The following WDTC1 variants were observed in gnomAD, a reference collection of about 807,000 sequenced individuals.
WDTC1 encodes WD and tetratricopeptide repeats 1, also known as WD and tetratricopeptide repeats protein 1.
WDTC1 carries 12 observed loss-of-function variants against 76.0 expected under a neutral mutation model. The ratio of observed to expected loss-of-function variants is 0.16; its 90% CI spans 0.10 to 0.26. The LOEUF is 0.26. WDTC1 is among the 10% of genes least tolerant of loss of function. WDTC1 has a pLI of 1.00. For synonymous variants in WDTC1, 326 were observed against 350.8 expected, an observed-to-expected ratio of 0.93 and a Z score of 0.79; for missense variants, 511 against 908.8, an observed-to-expected ratio of 0.56 and a Z score of 5.63.
rs182177024 is a variant in WDTC1, at chr1:27,257,815, G to C, written c.-99-3141G>C. On this transcript the variant is annotated intron_variant, in intron 1 of 15. Transcript: ENST00000319394. ...TTGTTTGTTTTTTCTTTTTGAGACA[G>C]AGTCTTGCTCTGTCACCCAGGCTGG... Among the ~76,000 whole-genome samples the C allele has an allele frequency of 5.3e-3, 805 of 152,144 alleles. 4 individuals carry two copies. The highest frequency in any genetic ancestry group is 9.5e-3 in the Non-Finnish European group (649 of 67,994).
intron 11 of WDTC1, 90 bp downstream of exon 11, chr1:27,297,246 ACC>A: frequency 3.4e-6 from 4 of 1,160,076 alleles, no homozygotes; most frequent in Non-Finnish European, 4.9e-6. Flanking sequence ...CTTCCTCCTG[ACC>A]CACACCCACT....
At chr1:27,273,843 G>A (rs991859623) in intron 3 of WDTC1, among the ~76,000 whole-genome samples, 16 of 152,110 alleles carry the variant, frequency 1.1e-4, no homozygotes, top group African/African-American at 2.4e-4. Context: ...GTGTGTGTGC[G>A]TGTGTAGAGA....
intron 1 of WDTC1, among the ~76,000 whole-genome samples, chr1:27,243,220 T>C (rs1174694795): frequency 7.2e-6 from 1 of 139,790 alleles, no homozygotes; most frequent in Non-Finnish European, 1.5e-5. Context: ...TTTTTTTTTT[T>C]TTTTGAGACA....
rs1481489155 is a variant in WDTC1, at chr1:27,274,430, G to C, written c.133-7809G>C. 1.3e-5 allele frequency among the ~76,000 whole-genome samples: 2 copies of C among 152,104 alleles called. No individual in the cohort carries two copies. The highest frequency in any genetic ancestry group is 2.9e-5 in the Non-Finnish European group (2 of 68,034). ...GAGGCCAGGAGTTTGAGACCAGCCT[G>C]GGCAACACAGCAAGACCCCATCTCC... On this transcript the variant is annotated intron_variant, in intron 3 of 15. Transcript: ENST00000319394. This position sits in a 1 kb window ranked among gnomAD's most constrained non-coding sequence, Gnocchi z 4.2.
Position 27,274,858 on chromosome 1 carries a change from G to A in WDTC1, c.133-7381G>A, listed in dbSNP as rs756230461. Among the ~76,000 whole-genome samples the A allele has an allele frequency of 6.6e-6, 1 of 152,150 alleles. No individual in the cohort carries two copies. The highest frequency in any genetic ancestry group is 1.5e-5 in the Non-Finnish European group (1 of 68,036). Reference sequence around the variant, plus strand: ...TTGATTCCTGCTATTTCATTCACTTGTGGGATTTCTTGGCACCGTATTAGA... The same window carrying A: ...TTGATTCCTGCTATTTCATTCACTTATGGGATTTCTTGGCACCGTATTAGA... On this transcript the variant is annotated intron_variant, in intron 3 of 15. Transcript: ENST00000319394. This position sits in a 1 kb window ranked among gnomAD's most constrained non-coding sequence, Gnocchi z 4.2.
In WDTC1 at chr1:27,305,513, A is replaced by G. The variant is rs1452295456; in HGVS notation, c.1836+320A>G. On this transcript the variant is annotated intron_variant, in intron 15 of 15. Transcript: ENST00000319394. This position sits in a 1 kb window ranked among gnomAD's most constrained non-coding sequence, Gnocchi z 4.6. ...CTGACCCAGGCTTTTAATCATCTGT[A>G]CATTGGGAATGGGAATGACAGCACC... Among the ~76,000 whole-genome samples the G allele has an allele frequency of 6.6e-6, 1 of 152,166 alleles. No individual in the cohort carries two copies. The highest frequency in any genetic ancestry group is 1.9e-4 in the East Asian group (1 of 5,194).
At chr1:27,241,618 C>T (rs1051166552) in intron 1 of WDTC1, among the ~76,000 whole-genome samples, 1 of 152,124 alleles carries the variant, frequency 6.6e-6, no homozygotes, top group Non-Finnish European at 1.5e-5. Flanking sequence ...GGATGAAACT[C>T]CAGAGCCTTC....
At chr1:27,253,702 T>A (rs2012178053) in intron 1 of WDTC1, among the ~76,000 whole-genome samples, 1 of 152,000 alleles carries the variant, frequency 6.6e-6, no homozygotes, top group African/African-American at 2.4e-5. Context: ...CATTGAAAAT[T>A]TTATTTTATG....
rs1341344976 is a variant in WDTC1 at position 27,292,331 on chromosome 1, G to C, written c.596G>C (p.Cys199Ser). 5 of 1,612,940 alleles carry C rather than the reference G, an allele frequency of 3.1e-6. No individual in the cohort carries two copies. The highest frequency in any genetic ancestry group is 1.3e-5 in the African/African-American group (1 of 74,878). ...CLTVNPQDNN[C>S]LAVGASGPFV... ...ACTGTCAACCCCCAGGACAACAACT[G>C]CCTGGCAGTTGGGGCCAGCGGGCCC... Residue 199 changes from cysteine to serine, a missense_variant, in exon 7 of 16, where the codon TGC (cysteine) becomes TCC (serine). By Grantham distance (112) the Cys-to-Ser change is moderately radical (BLOSUM62 -1). Transcript: ENST00000319394.
intron 3 of WDTC1, among the ~76,000 whole-genome samples, chr1:27,269,134 C>T (rs920897242): frequency 7.3e-6 from 1 of 136,574 alleles, no homozygotes; most frequent in East Asian, 2.2e-4. Context: ...TCAAGACCAG[C>T]CTGGGTAACA....
intron 3 of WDTC1, among the ~76,000 whole-genome samples, chr1:27,273,419 A>G (rs1447071776): frequency 4.6e-5 from 7 of 151,918 alleles, no homozygotes; most frequent in African/African-American, 1.2e-4. Flanking sequence ...CATGTTAGCC[A>G]GGATGGTCTT....
intron 11 of WDTC1, among the ~76,000 whole-genome samples, chr1:27,297,595 G>A (rs994793115): frequency 2.0e-5 from 3 of 152,196 alleles, no homozygotes; most frequent in South Asian, 2.1e-4. Context: ...TCTAGACAGC[G>A]ATCCACAGGA....
chr1:27,264,420 C>T (rs1385320281), intron 3 of WDTC1, among the ~76,000 whole-genome samples: 1 of 151,952 alleles, frequency 6.6e-6, no homozygotes, highest in Non-Finnish European at 1.5e-5. Context: ...AAGACCTTGT[C>T]TCTAAAAATT....
chr1:27,276,421 C>T (rs57043878), intron 3 of WDTC1, among the ~76,000 whole-genome samples: 8,314 of 152,080 alleles, frequency 0.055, 804 homozygotes, highest in African/African-American at 0.19. Context: ...ATAGGCCAGG[C>T]GCGGTGACTT....
In WDTC1 at chr1:27,253,311, G is replaced by A. The variant is rs899649123; in HGVS notation, c.-99-7645G>A. Reference sequence around the variant, plus strand: ...ATTACAGGTGTGAGCCACTGCGCCCGGCCGGCCTCCTCTCTGTTTCTGCTT... The same window carrying A: ...ATTACAGGTGTGAGCCACTGCGCCCAGCCGGCCTCCTCTCTGTTTCTGCTT... On this transcript the variant is annotated intron_variant, in intron 1 of 15. Transcript: ENST00000319394. 6.0e-5 allele frequency among the ~76,000 whole-genome samples: 9 copies of A among 149,754 alleles called. No individual in the cohort carries two copies. In the East Asian group the frequency reaches 9.8e-4, roughly 16 times the overall value.
intron 1 of WDTC1, among the ~76,000 whole-genome samples, chr1:27,245,420 G>A (rs938162231): frequency 2.0e-5 from 3 of 151,688 alleles, no homozygotes; most frequent in South Asian, 4.1e-4. Context: ...CCCTCAGCAT[G>A]CTTTTAATCT....
chr1:27,292,757 C>CTTTTTTTTTTTTTTTTTTTTTTTTCT (rs1304057627), intron 7 of WDTC1, among the ~76,000 whole-genome samples: 3 of 113,462 alleles, frequency 2.6e-5, no homozygotes, highest in African/African-American at 3.6e-5. Flanking sequence ...TATTGTTTTA[C>CTTTTTTTTTTTTTTTTTTTTTTTTCT]TTTTTTTTTT....
intron 6 of WDTC1, among the ~76,000 whole-genome samples, chr1:27,288,418 T>C (rs1393954578): frequency 2.6e-5 from 4 of 151,944 alleles, no homozygotes; most frequent in African/African-American, 9.7e-5. Context: ...GGCAGGGTCA[T>C]ATGACAATAG....
At chr1:27,255,084 A>G (rs2012231814) in intron 1 of WDTC1, among the ~76,000 whole-genome samples, 1 of 151,892 alleles carries the variant, frequency 6.6e-6, no homozygotes, top group African/African-American at 2.4e-5. Flanking sequence ...CACCAGTCTT[A>G]GCTAAAAACC....
Sources: gnomAD v4.1 joint callset for allele counts (sites outside exome capture counted in the v4.1 genomes callset) on GRCh38, gnomAD v4.1.1 for gene constraint, Gnocchi (gnomAD v3.1) non-coding constraint, MANE v1.5 for transcripts, NCBI Gene and HGNC (gene_info 2026-07-23, HGNC 2026-07-21) for gene names.